SLC35A3: variants seen among roughly 807,000 people sequenced by gnomAD.
The protein encoded by SLC35A3 is solute carrier family 35 member A3.
Under a neutral mutation model 39.0 loss-of-function variants are expected in SLC35A3, and 26 were observed. The ratio of observed to expected loss-of-function variants is 0.67; its 90% CI spans 0.49 to 0.92. The LOEUF is 0.92. SLC35A3 is among the 40% of genes least tolerant of loss of function. The probability of loss-of-function intolerance (pLI) is 0.00; values close to 1 mark genes in which losing one functional copy is unlikely to be tolerated. For missense variants in SLC35A3, 299 were observed against 371.6 expected, an observed-to-expected ratio of 0.80 and a Z score of 1.61; for synonymous variants, 135 against 133.1, an observed-to-expected ratio of 1.01 and a Z score of -0.10.
In SLC35A3 at chr1:100,017,724, GATA is replaced by G; in HGVS notation, c.800_802del (p.Asn267del). Reference sequence around the variant, plus strand: ...AATAGCTGCTGTTATTAAGTATGCAGATAATATTTTAAAAGGATTTGCAACCTC... The same window carrying G: ...AATAGCTGCTGTTATTAAGTATGCAGATATTTTAAAAGGATTTGCAACCTC... On this transcript the variant is annotated inframe_deletion, in exon 7 of 8. Coordinates refer to ENST00000533028, the MANE Select transcript of SLC35A3 (RefSeq NM_012243.3). The G allele has an allele frequency of 6.3e-7, 1 of 1,575,138 alleles. No individual in the cohort carries two copies. Among genetic ancestry groups the G allele is most frequent in the Non-Finnish European group, 8.6e-7 (1 of 1,161,588 alleles).
chr1:99,973,210 A>G (rs1287625309), intron 1 of SLC35A3, among the ~76,000 whole-genome samples: 1 of 152,196 alleles, frequency 6.6e-6, no homozygotes, highest in East Asian at 1.9e-4. Context: ...GTGTGTGTGC[A>G]TGTAAGTGCC....
At chr1:99,971,035 T>C (rs557620931) in intron 1 of SLC35A3, among the ~76,000 whole-genome samples, 1 of 152,304 alleles carries the variant, frequency 6.6e-6, no homozygotes, top group South Asian at 2.1e-4. Flanking sequence ...CTCTTCTTAC[T>C]TGCACTATAG....
chr1:99,985,014 A>G (rs980232132), intron 1 of SLC35A3, among the ~76,000 whole-genome samples: 1 of 151,764 alleles, frequency 6.6e-6, no homozygotes, highest in Non-Finnish European at 1.5e-5. Context: ...GATTGCAAAT[A>G]TTTTCTCCCA....
At chr1:99,977,550 A>AGGAGGAAGGGAGGAAGGGAG (rs1166430898) in intron 1 of SLC35A3, among the ~76,000 whole-genome samples, 1 of 111,840 alleles carries the variant, frequency 8.9e-6, no homozygotes, top group Non-Finnish European at 1.7e-5. Flanking sequence ...CTCAGAAGGA[A>AGGAGGAAGGGAGGAAGGGAG]GGAGGAAGGG....
At chr1:100,013,715 A>G (rs1053516582) in intron 5 of SLC35A3, among the ~76,000 whole-genome samples, 1 of 152,010 alleles carries the variant, frequency 6.6e-6, no homozygotes, top group Non-Finnish European at 1.5e-5. Flanking sequence ...TATTTTATAT[A>G]TATGTAATAC....
At chr1:99,998,251 C>G (rs1658541214) in intron 2 of SLC35A3, among the ~76,000 whole-genome samples, 1 of 151,414 alleles carries the variant, frequency 6.6e-6, no homozygotes, top group Non-Finnish European at 1.5e-5. Context: ...AACTCCTAGG[C>G]TCAGTTGATC....
chr1:99,996,342 C>T (rs978181265), intron 2 of SLC35A3, among the ~76,000 whole-genome samples: 1 of 152,168 alleles, frequency 6.6e-6, no homozygotes, highest in African/African-American at 2.4e-5. Flanking sequence ...ATTACAATTA[C>T]TCCTACAACT....
intron 1 of SLC35A3, chr1:99,970,628 T>C (rs1371539796): frequency 4.6e-6 from 7 of 1,535,892 alleles, no homozygotes; most frequent in African/African-American, 1.4e-5. Flanking sequence ...CTTAAAGAAA[T>C]GGAAAGGCTG....
chr1:100,002,970 T>A (rs1658920659), intron 3 of SLC35A3, among the ~76,000 whole-genome samples: 1 of 152,104 alleles, frequency 6.6e-6, no homozygotes, highest in African/African-American at 2.4e-5. Context: ...TGTTCTTGCT[T>A]TTCTAGCTTC....
chr1:99,971,917 G>C (rs1656836568), intron 1 of SLC35A3, among the ~76,000 whole-genome samples: 1 of 150,926 alleles, frequency 6.6e-6, no homozygotes, highest in South Asian at 2.1e-4. Context: ...CTCTTTTTTT[G>C]AGAGAGTTTT....
intron 4 of SLC35A3, chr1:100,008,126 TA>T: frequency 6.6e-6 from 1 of 152,140 alleles, no homozygotes; most frequent in South Asian, 2.1e-4. Flanking sequence ...TAATTTTTTG[TA>T]TTTTTAGTAA....
At position 99,972,614 on chromosome 1, in the gene SLC35A3, G is replaced by A. The variant is rs1343426962; in HGVS notation, c.-19+2452G>A. Among the ~76,000 whole-genome samples the A allele has an allele frequency of 2.0e-5, 3 of 152,074 alleles. No homozygotes were observed. The East Asian group carries it at 5.8e-4, about 29-fold the overall frequency. On this transcript the variant is annotated intron_variant, in intron 1 of 7. Coordinates refer to ENST00000533028, the MANE Select transcript of SLC35A3 (RefSeq NM_012243.3). ...ACCTCCTAAAGTGCTGGAATTACAG[G>A]CATGAGCCACCGCGCCCAGCCTGTA...
At position 100,022,497 on chromosome 1, in the gene SLC35A3, G is replaced by GT; in HGVS notation, c.*26dup. On this transcript the variant is annotated 3_prime_UTR_variant, in exon 8 of 8. Transcript: ENST00000533028. ...CATAGTTGTATACTATCTTTAACTG[G>GT]TTTTTCACGATGGGGCACTAGGAAT... 7.6e-7 allele frequency: 1 copy of GT among 1,317,920 alleles called. No individual in the cohort carries two copies. The allele number at this position is 1,317,920 out of a possible 1,614,324, so 81.6% of individuals were successfully genotyped here.
At position 100,031,932 on chromosome 1, in the gene SLC35A3, A is replaced by G. The variant is rs1340588024; in HGVS notation, c.*9456A>G. On this transcript the variant is annotated 3_prime_UTR_variant, in exon 8 of 8. Transcript: ENST00000533028. Reference sequence around the variant, plus strand: ...CCATGATAGTACTCTTTGAAGGACCAAAGTTACTTTGCTCCTATTATGTGG... The same window carrying G: ...CCATGATAGTACTCTTTGAAGGACCGAAGTTACTTTGCTCCTATTATGTGG... 1 of 152,224 alleles carries G rather than the reference A, an allele frequency of 6.6e-6. No homozygotes were observed. 9.4% of individuals were successfully genotyped at this position (152,224 alleles called of 1,614,324 possible).
At chr1:99,995,376 C>T (rs562337642) in intron 2 of SLC35A3, among the ~76,000 whole-genome samples, 47 of 152,152 alleles carry the variant, frequency 3.1e-4, no homozygotes, top group African/African-American at 1.1e-3. Context: ...TGGTCTTGAA[C>T]TCCTGACCTC....
intron 1 of SLC35A3, among the ~76,000 whole-genome samples, chr1:99,992,413 ATC>A (rs1005029741): frequency 2.0e-5 from 3 of 151,878 alleles, no homozygotes; most frequent in Non-Finnish European, 4.4e-5. Flanking sequence ...TTCATGATAT[ATC>A]TTTTTTTGTC....
At chr1:99,991,117 C>G (rs1208642233) in intron 1 of SLC35A3, among the ~76,000 whole-genome samples, 1 of 152,186 alleles carries the variant, frequency 6.6e-6, no homozygotes, top group East Asian at 1.9e-4. Flanking sequence ...TTCCATTGAT[C>G]TATGCTTCTG....
chr1:99,983,028 C>T lies in SLC35A3; in HGVS notation c.-18-10509C>T, dbSNP rs993842140. ...TGTGATTGTAATGTCTACATTCATACCCAAAGATTATAATTATGGATCATT... is the reference window on the plus strand; with the variant it reads ...TGTGATTGTAATGTCTACATTCATATCCAAAGATTATAATTATGGATCATT... On this transcript the variant is annotated intron_variant, in intron 1 of 7. Transcript: ENST00000533028. 3.9e-5 allele frequency among the ~76,000 whole-genome samples: 6 copies of T among 152,078 alleles called. No individual in the cohort carries two copies. The South Asian group carries it at 8.3e-4, about 21-fold the overall frequency.
intron 5 of SLC35A3, among the ~76,000 whole-genome samples, 154 bp downstream of exon 5, chr1:100,011,687 TTTA>T (rs2101373198): frequency 5.0e-5 from 1 of 20,184 alleles, no homozygotes; most frequent in South Asian, 1.6e-3. Context: ...CATTTTATTA[TTTA>T]TTTATTTATT....
Sources: allele counts gnomAD v4.1 joint callset (sites outside exome capture counted in the v4.1 genomes callset), GRCh38; gene constraint gnomAD v4.1.1; transcripts MANE v1.5; gene names NCBI Gene and HGNC (gene_info 2026-07-23, HGNC 2026-07-21).